The following IGF2BP2 variants were observed in gnomAD, a reference collection of about 807,000 sequenced individuals.
The protein encoded by IGF2BP2 is insulin-like growth factor 2 mRNA-binding protein 2.
In IGF2BP2, 17 loss-of-function variants were observed where a neutral mutation model predicts 75.8. The ratio of observed to expected loss-of-function variants is 0.22; its 90% CI spans 0.15 to 0.34. The LOEUF is 0.34. Among genes scored for constraint, IGF2BP2 ranks in the 10% least tolerant of loss-of-function variants. IGF2BP2 has a pLI of 1.00. For missense variants in IGF2BP2, 516 were observed against 772.4 expected, an observed-to-expected ratio of 0.67 and a Z score of 3.93; for synonymous variants, 288 against 295.6, an observed-to-expected ratio of 0.97 and a Z score of 0.26.
chr3:185,773,742 T>C (rs1734179022), intron 2 of IGF2BP2, among the ~76,000 whole-genome samples: 2 of 152,336 alleles, frequency 1.3e-5, no homozygotes, highest in South Asian at 4.1e-4. Flanking sequence ...CCACTTTCTT[T>C]TTCTTGCTGA....
chr3:185,810,110 G>A (rs928942363), intron 2 of IGF2BP2, among the ~76,000 whole-genome samples: 12 of 152,162 alleles, frequency 7.9e-5, no homozygotes, highest in Non-Finnish European at 1.6e-4. Context: ...TAAGACATGC[G>A]CTTTACCTGA....
intron 4 of IGF2BP2, among the ~76,000 whole-genome samples, chr3:185,695,301 T>C (rs913504739): frequency 1.3e-5 from 2 of 152,210 alleles, no homozygotes; most frequent in African/African-American, 4.8e-5. Flanking sequence ...AATGGGTTGT[T>C]TGCAATTTTT....
chr3:185,792,714 C>T (rs533971812), intron 2 of IGF2BP2, among the ~76,000 whole-genome samples: 2 of 149,032 alleles, frequency 1.3e-5, no homozygotes, highest in South Asian at 2.1e-4. Context: ...TACAGTGAGC[C>T]GAGATCATGC....
chr3:185,675,574 C>T (rs2149237416), intron 8 of IGF2BP2, 143 bp from the exon 9 acceptor site: 3 of 1,107,050 alleles, frequency 2.7e-6, no homozygotes, highest in Non-Finnish European at 3.9e-6. Flanking sequence ...GAATCCCTGC[C>T]ATCTTATTTC....
At chr3:185,702,666 T>A (rs1015529554) in intron 2 of IGF2BP2, among the ~76,000 whole-genome samples, 7 of 151,994 alleles carry the variant, frequency 4.6e-5, no homozygotes, top group African/African-American at 1.4e-4. Flanking sequence ...CATCCACTCC[T>A]CACCTGGCTG....
At chr3:185,803,337 C>T (rs901564161) in intron 2 of IGF2BP2, among the ~76,000 whole-genome samples, 1 of 152,140 alleles carries the variant, frequency 6.6e-6, no homozygotes, top group African/African-American at 2.4e-5. Flanking sequence ...GACAGCAGAG[C>T]AAGACTCCAT....
chr3:185,737,113 T>C (rs1165254575), intron 2 of IGF2BP2, among the ~76,000 whole-genome samples: 1 of 152,264 alleles, frequency 6.6e-6, no homozygotes, highest in East Asian at 1.9e-4. Context: ...ATACATTTTC[T>C]CTTTCCATGA....
chr3:185,651,276 A>G (rs1714555715), intron 13 of IGF2BP2, among the ~76,000 whole-genome samples: 1 of 152,346 alleles, frequency 6.6e-6, no homozygotes, highest in African/African-American at 2.4e-5. Flanking sequence ...TGCACCATGC[A>G]TCAGTACTTC....
At chr3:185,762,518 G>C (rs557309154) in intron 2 of IGF2BP2, among the ~76,000 whole-genome samples, 1 of 148,008 alleles carries the variant, frequency 6.8e-6, no homozygotes, top group Non-Finnish European at 1.5e-5. Context: ...GGGTGACAGA[G>C]GGAAGCTCGG....
chr3:185,775,399 C>T (rs1378806212), intron 2 of IGF2BP2, among the ~76,000 whole-genome samples: 3 of 152,086 alleles, frequency 2.0e-5, no homozygotes, highest in Non-Finnish European at 2.9e-5. Context: ...ACTCAGAAGC[C>T]GCAATCTGGA....
At position 185,801,242 on chromosome 3, in the gene IGF2BP2, C is replaced by A. The variant is rs367799497; in HGVS notation, c.239+21911G>T. 3.9e-5 allele frequency among the ~76,000 whole-genome samples: 6 copies of A among 152,156 alleles called. No individual in the cohort carries two copies. The East Asian group carries it at 9.6e-4, about 24-fold the overall frequency. On this transcript the variant is annotated intron_variant, in intron 2 of 15. Transcript: ENST00000382199. ...CGGTGGCTCACGCCAGTAATCCCAG[C>A]ACTTTGGGAGGCCGAGGCAGGTGGA...
intron 4 of IGF2BP2, among the ~76,000 whole-genome samples, chr3:185,694,180 T>C (rs1049672472): frequency 6.6e-6 from 1 of 152,178 alleles, no homozygotes; most frequent in African/African-American, 2.4e-5. Context: ...TAATTCACAC[T>C]TAACCCACAG....
chr3:185,773,443 C>T (rs1734143512), intron 2 of IGF2BP2, among the ~76,000 whole-genome samples: 1 of 152,158 alleles, frequency 6.6e-6, no homozygotes, highest in South Asian at 2.1e-4. Flanking sequence ...GCAGATTACA[C>T]ATTCAAATGG....
At chr3:185,711,232 CAAAT>C (rs1225961414) in intron 2 of IGF2BP2, among the ~76,000 whole-genome samples, 2 of 152,164 alleles carry the variant, frequency 1.3e-5, no homozygotes, top group Non-Finnish European at 2.9e-5. Context: ...GACTTTTGCA[CAAAT>C]AATTGTTCCA....
At chr3:185,652,822 C>A (rs1170738257) in intron 12 of IGF2BP2, among the ~76,000 whole-genome samples, 1 of 152,132 alleles carries the variant, frequency 6.6e-6, no homozygotes, top group Non-Finnish European at 1.5e-5. Context: ...GCTGGGCCCA[C>A]CAAGCTCCAA....
At chr3:185,747,981 G>A (rs990498794) in intron 2 of IGF2BP2, among the ~76,000 whole-genome samples, 2 of 151,796 alleles carry the variant, frequency 1.3e-5, no homozygotes, top group Admixed American at 6.6e-5. Flanking sequence ...TCAGCCTCCC[G>A]AGTAGCTGCG....
intron 2 of IGF2BP2, among the ~76,000 whole-genome samples, chr3:185,737,651 C>T (rs1729031964): frequency 6.6e-6 from 1 of 152,180 alleles, no homozygotes; most frequent in African/African-American, 2.4e-5. Flanking sequence ...TTATTCTATA[C>T]ATTGAGTGCT....
At chr3:185,787,290 C>T (rs905391484) in intron 2 of IGF2BP2, among the ~76,000 whole-genome samples, 1 of 151,000 alleles carries the variant, frequency 6.6e-6, no homozygotes, top group African/African-American at 2.4e-5. Context: ...GTGGTAAAGG[C>T]GATGTTATAT....
chr3:185,727,748 G>A (rs1300300268), intron 2 of IGF2BP2, among the ~76,000 whole-genome samples: 4 of 152,284 alleles, frequency 2.6e-5, no homozygotes, highest in Admixed American at 2.0e-4. Flanking sequence ...GAAGGCAAGA[G>A]GCATTTACTG....
Sources: gnomAD v4.1 joint callset for allele counts (sites outside exome capture counted in the v4.1 genomes callset) on GRCh38, gnomAD v4.1.1 for gene constraint, MANE v1.5 for transcripts, NCBI Gene and HGNC (gene_info 2026-07-23, HGNC 2026-07-21) for gene names.